Variants in LINGO2 observed in about 807,000 individuals in gnomAD.
LINGO2 encodes the protein leucine-rich repeat and immunoglobulin-like domain-containing nogo receptor-interacting protein 2.
In LINGO2, 14 loss-of-function variants were observed where a neutral mutation model predicts 30.6. That is an observed-to-expected ratio of 0.46 (90% CI 0.30 to 0.72). The LOEUF (loss-of-function observed/expected upper bound fraction) is 0.72, where lower values mean the gene tolerates loss of function less well. LINGO2 is among the 30% of genes least tolerant of loss of function. LINGO2 has a pLI of 0.07. For synonymous variants in LINGO2, 317 were observed against 288.5 expected (o/e 1.10, Z -1.00); for missense variants, 729 against 751.7 (o/e 0.97, Z 0.35).
chr9:28,633,194 C>T (rs1827083753), intron 1 of LINGO2, among the ~76,000 whole-genome samples: 1 of 151,976 alleles, frequency 6.6e-6, no homozygotes, highest in East Asian at 1.9e-4. Flanking sequence ...CCTTCCCCAG[C>T]CCACTGACTC....
chr9:28,937,240 C>T, the LINGO2 span, among the ~76,000 whole-genome samples: 893 of 150,928 alleles, frequency 5.9e-3, 9 homozygotes, highest in African/African-American at 0.021. Context: ...AGTATCGACT[C>T]CAAGATGAAA....
At chr9:28,503,894 T>C (rs891156129) in intron 1 of LINGO2, among the ~76,000 whole-genome samples, 12 of 151,728 alleles carry the variant, frequency 7.9e-5, no homozygotes, top group African/African-American at 2.9e-4. Flanking sequence ...ACCAGACAGA[T>C]TGACCAATAA....
chr9:28,320,797 C>A (rs1262404325), intron 3 of LINGO2, among the ~76,000 whole-genome samples: 1 of 152,164 alleles, frequency 6.6e-6, no homozygotes. Context: ...TACTTGCCAA[C>A]TCCCTCAGAC....
At chr9:28,164,357 G>T (rs2133615007) in intron 4 of LINGO2, among the ~76,000 whole-genome samples, 1 of 152,240 alleles carries the variant, frequency 6.6e-6, no homozygotes, top group East Asian at 1.9e-4. Flanking sequence ...TTTGTCGAAT[G>T]TTACTACTTG....
chr9:29,054,662 G>A, the LINGO2 span, among the ~76,000 whole-genome samples: 3 of 151,998 alleles, frequency 2.0e-5, no homozygotes, highest in Non-Finnish European at 4.4e-5. Flanking sequence ...AGAAAAGTGA[G>A]GAATAAAAAA....
chr9:29,186,313 T>G, the LINGO2 span, among the ~76,000 whole-genome samples: 1 of 129,076 alleles, frequency 7.7e-6, no homozygotes, highest in Non-Finnish European at 1.8e-5. Context: ...GCAATTTATG[T>G]CACCAAAAAA....
At chr9:28,723,402 A>G in the LINGO2 span, among the ~76,000 whole-genome samples, 1 of 152,196 alleles carries the variant, frequency 6.6e-6, no homozygotes, top group Admixed American at 6.6e-5. Context: ...TTATCAGATG[A>G]TACCAGCTTT....
At chr9:28,945,180 C>T in the LINGO2 span, among the ~76,000 whole-genome samples, 1 of 152,078 alleles carries the variant, frequency 6.6e-6, no homozygotes, top group Non-Finnish European at 1.5e-5. Flanking sequence ...CTTAACAAGC[C>T]AGTATTTCCT....
chr9:28,599,841 T>G (rs1018910125), intron 1 of LINGO2, among the ~76,000 whole-genome samples: 1 of 152,158 alleles, frequency 6.6e-6, no homozygotes, highest in Non-Finnish European at 1.5e-5. Context: ...TTTCAGCAAT[T>G]AAGCACAAGA....
the LINGO2 span, among the ~76,000 whole-genome samples, chr9:28,913,319 T>C: frequency 2.0e-5 from 3 of 152,122 alleles, no homozygotes; most frequent in African/African-American, 7.2e-5. Flanking sequence ...GAATTTTATA[T>C]TCTAGCAAAT....
the LINGO2 span, among the ~76,000 whole-genome samples, chr9:28,857,510 G>C: frequency 1.3e-5 from 2 of 152,058 alleles, no homozygotes; most frequent in African/African-American, 4.8e-5. Flanking sequence ...CCGCCTTCCA[G>C]GCAGTCTGAT....
chr9:28,008,380 G>A (rs79144456), intron 5 of LINGO2, among the ~76,000 whole-genome samples: 9,423 of 151,990 alleles, frequency 0.062, 351 homozygotes, highest in Non-Finnish European at 0.086. Flanking sequence ...GAAAGGTACA[G>A]CTGTATCCTT....
In LINGO2 at chr9:28,322,988, A is replaced by G. The variant is rs73645643; in HGVS notation, c.-245-27622T>C. Among the ~76,000 whole-genome samples the G allele has an allele frequency of 2.8e-3, 426 of 152,318 alleles. 3 individuals carry two copies. The highest frequency in any genetic ancestry group is 9.8e-3 in the African/African-American group (409 of 41,578). On this transcript the variant is annotated intron_variant, in intron 3 of 5. Transcript: ENST00000379992. ...AAATCTCAACATACTCATTGATTGC[A>G]GGTATGGCAGGAAAATCTTTATTCT...
At chr9:28,912,990 C>T in the LINGO2 span, among the ~76,000 whole-genome samples, 2 of 152,022 alleles carry the variant, frequency 1.3e-5, no homozygotes, top group Non-Finnish European at 2.9e-5. Context: ...GGCACAATAA[C>T]CAGCCACATT....
At chr9:27,954,601 A>G (rs1819476379) in intron 5 of LINGO2, among the ~76,000 whole-genome samples, 1 of 152,148 alleles carries the variant, frequency 6.6e-6, no homozygotes, top group Admixed American at 6.5e-5. Context: ...TTGTTGATGG[A>G]CACTTAGATT....
At chr9:28,028,995 C>G (rs1434699383) in intron 4 of LINGO2, among the ~76,000 whole-genome samples, 1 of 152,108 alleles carries the variant, frequency 6.6e-6, no homozygotes, top group Non-Finnish European at 1.5e-5. Context: ...TTGGGTGCTT[C>G]TTAGGGAGGC....
chr9:28,420,697 G>A (rs2150857), intron 2 of LINGO2, among the ~76,000 whole-genome samples: 13 of 152,076 alleles, frequency 8.5e-5, no homozygotes, highest in South Asian at 6.2e-4. Context: ...TATTCAAAGA[G>A]AATAGGCATA....
the LINGO2 span, among the ~76,000 whole-genome samples, chr9:28,869,871 G>C: frequency 1.3e-5 from 2 of 151,610 alleles, no homozygotes; most frequent in East Asian, 1.9e-4. Context: ...CTATGGGCTC[G>C]TTTTACACCC....
intron 4 of LINGO2, among the ~76,000 whole-genome samples, chr9:28,097,103 A>C (rs1448103418): frequency 6.6e-6 from 1 of 152,190 alleles, no homozygotes; most frequent in Non-Finnish European, 1.5e-5. Flanking sequence ...ATCACTGGCC[A>C]TCAGAGAAAT....
Sources: allele counts gnomAD v4.1 joint callset (sites outside exome capture counted in the v4.1 genomes callset), GRCh38; gene constraint gnomAD v4.1.1; transcripts MANE v1.5; gene names NCBI Gene and HGNC (gene_info 2026-07-23, HGNC 2026-07-21).